SIPA1L3: variants seen among roughly 807,000 people sequenced by gnomAD.
SIPA1L3 encodes the protein signal induced proliferation associated 1 like 3, also known as signal-induced proliferation-associated 1-like protein 3.
SIPA1L3 carries 59 observed loss-of-function variants against 150.1 expected under a neutral mutation model. The observed-to-expected ratio is 0.39, with a 90% CI of 0.32 to 0.49. The LOEUF (loss-of-function observed/expected upper bound fraction) is 0.49. Ranked by LOEUF, SIPA1L3 falls within the 20% of genes least tolerant of loss-of-function variation. SIPA1L3 has a pLI of 0.86. For missense variants in SIPA1L3, 2,211 were observed against 2,489.5 expected, an observed-to-expected ratio of 0.89 and a Z score of 2.38; for synonymous variants, 1,070 against 1,077.6, an observed-to-expected ratio of 0.99 and a Z score of 0.14.
chr19:38,119,177 C>T (rs1970958034), intron 8 of SIPA1L3, 129 bp from the exon 9 acceptor site: 4 of 881,008 alleles, frequency 4.5e-6, no homozygotes, highest in Non-Finnish European at 6.8e-6. Context: ...GCCTGGGTGA[C>T]AGAGTGAGAC....
At chr19:37,961,661 A>C (rs1488398100) in intron 1 of SIPA1L3, among the ~76,000 whole-genome samples, 1 of 152,106 alleles carries the variant, frequency 6.6e-6, no homozygotes. Flanking sequence ...AATGTGTTCC[A>C]TCAGATTTGG....
At chr19:37,958,222 C>T (rs1418086863) in intron 1 of SIPA1L3, among the ~76,000 whole-genome samples, 1 of 152,046 alleles carries the variant, frequency 6.6e-6, no homozygotes, top group East Asian at 1.9e-4. Context: ...TTGCTTCAGC[C>T]CAGGAGTTTG....
intron 9 of SIPA1L3, among the ~76,000 whole-genome samples, chr19:38,127,123 C>T (rs978827091): frequency 2.0e-5 from 3 of 152,076 alleles, no homozygotes; most frequent in Admixed American, 6.6e-5. Context: ...ATCCAGGAAG[C>T]GGAGGTTGCG....
At chr19:38,015,306 C>T (rs1599906516) in intron 1 of SIPA1L3, among the ~76,000 whole-genome samples, 1 of 152,156 alleles carries the variant, frequency 6.6e-6, no homozygotes, top group Admixed American at 6.5e-5. Flanking sequence ...CAATATTCTA[C>T]TTTTGACTTA....
intron 15 of SIPA1L3, among the ~76,000 whole-genome samples, chr19:38,174,013 T>C (rs943121505): frequency 1.3e-5 from 2 of 150,616 alleles, no homozygotes; most frequent in African/African-American, 4.9e-5. Flanking sequence ...TTACCCAGAG[T>C]GAGGTGGAAC....
chr19:38,078,540 GCACA>G (rs370315308), intron 2 of SIPA1L3, among the ~76,000 whole-genome samples: 44 of 125,886 alleles, frequency 3.5e-4, no homozygotes, highest in African/African-American at 1.1e-3. Context: ...ACACAGACAC[GCACA>G]CACACAGACA....
chr19:38,182,105 C>A (rs1972566240), intron 15 of SIPA1L3, among the ~76,000 whole-genome samples: 1 of 146,644 alleles, frequency 6.8e-6, no homozygotes, highest in African/African-American at 2.6e-5. Context: ...CGCGCCACTG[C>A]ATTCCAGCCT....
At chr19:38,088,204 G>A (rs759017475) in intron 3 of SIPA1L3, among the ~76,000 whole-genome samples, 8 of 152,200 alleles carry the variant, frequency 5.3e-5, no homozygotes, top group Non-Finnish European at 8.8e-5. Flanking sequence ...TTAACTTTAC[G>A]GCTGAAAATG....
At chr19:37,957,390 C>T (rs57064365) in intron 1 of SIPA1L3, among the ~76,000 whole-genome samples, 1 of 152,246 alleles carries the variant, frequency 6.6e-6, no homozygotes, top group Non-Finnish European at 1.5e-5. Flanking sequence ...AATGTTTAGT[C>T]TTCCAGTTTG....
chr19:38,195,802 G>GCCCCCCCCCCC (rs976090881), intron 18 of SIPA1L3, among the ~76,000 whole-genome samples: 1 of 20,248 alleles, frequency 4.9e-5, no homozygotes. Flanking sequence ...GTCCCCCCCC[G>GCCCCCCCCCCC]CCCCCCCGGG....
intron 15 of SIPA1L3, among the ~76,000 whole-genome samples, chr19:38,171,385 CTTTTTTTTTT>C (rs1055077464): frequency 1.3e-5 from 1 of 77,884 alleles, no homozygotes; most frequent in Non-Finnish European, 2.4e-5. Context: ...CCTACCAAAA[CTTTTTTTTTT>C]TTTTTTTTTT....
chr19:37,958,881 A>C (rs1599841412), intron 1 of SIPA1L3, among the ~76,000 whole-genome samples: 1 of 152,254 alleles, frequency 6.6e-6, no homozygotes, highest in South Asian at 2.1e-4. Flanking sequence ...AAAGGATTTG[A>C]ATGGCTCTTT....
intron 19 of SIPA1L3, chr19:38,199,713 G>C (rs1235794345): frequency 6.6e-6 from 1 of 152,206 alleles, no homozygotes; most frequent in African/African-American, 2.4e-5. Context: ...TGCAGGTCAG[G>C]GTGGTTTCAG....
Position 38,083,107 on chromosome 19 carries a change from A to G in SIPA1L3, c.1534+8A>G. 6.2e-7 allele frequency: 1 copy of G among 1,601,904 alleles called. No individual in the cohort carries two copies. The highest frequency in any genetic ancestry group is 8.5e-7 in the Non-Finnish European group (1 of 1,175,810). On this transcript the variant is annotated splice_region_variant and intron_variant, in intron 3 of 21. Coordinates refer to ENST00000222345, the MANE Select transcript of SIPA1L3 (RefSeq NM_015073.3). Reference sequence around the variant, plus strand: ...ATTACTTCGTGGGCAAAGGTGACGGATGGCGTGTGGGTGGGAAGGTTGGGT... The same window carrying G: ...ATTACTTCGTGGGCAAAGGTGACGGGTGGCGTGTGGGTGGGAAGGTTGGGT...
At chr19:38,066,041 T>G (rs1464624275) in intron 2 of SIPA1L3, among the ~76,000 whole-genome samples, 1 of 149,506 alleles carries the variant, frequency 6.7e-6, no homozygotes, top group Non-Finnish European at 1.5e-5. Flanking sequence ...TGAGGCAACG[T>G]CTTGCTCTGT....
intron 1 of SIPA1L3, among the ~76,000 whole-genome samples, chr19:37,923,812 T>C (rs1233527203): frequency 6.6e-6 from 1 of 151,878 alleles, no homozygotes; most frequent in Non-Finnish European, 1.5e-5. Flanking sequence ...CAGGCTGGAG[T>C]GCAGTGGCAC....
chr19:38,006,798 A>G (rs1249594348), intron 1 of SIPA1L3, among the ~76,000 whole-genome samples: 5 of 152,146 alleles, frequency 3.3e-5, no homozygotes, highest in Non-Finnish European at 7.4e-5. Flanking sequence ...CTCCACTTCT[A>G]GGAAGCTTCA....
intron 1 of SIPA1L3, among the ~76,000 whole-genome samples, chr19:37,956,487 G>GTTT (rs61220966): frequency 1.9e-4 from 25 of 133,560 alleles, no homozygotes; most frequent in South Asian, 2.3e-4. Flanking sequence ...TAAAAGTTTT[G>GTTT]TTTTTTTTTT....
At chr19:38,101,430 A>C (rs1036407698) in intron 6 of SIPA1L3, among the ~76,000 whole-genome samples, 1 of 151,898 alleles carries the variant, frequency 6.6e-6, no homozygotes, top group Non-Finnish European at 1.5e-5. Context: ...TGTTTTTGAG[A>C]CAGAGTCTCA....
Sources: allele counts gnomAD v4.1 joint callset (sites outside exome capture counted in the v4.1 genomes callset), GRCh38; gene constraint gnomAD v4.1.1; transcripts MANE v1.5; gene names NCBI Gene and HGNC (gene_info 2026-07-23, HGNC 2026-07-21).